DTWD2: variants seen among roughly 807,000 people sequenced by gnomAD.
DTWD2 encodes the protein tRNA-uridine aminocarboxypropyltransferase 2.
A neutral mutation model predicts 31.8 loss-of-function variants in DTWD2; 39 were observed. That is an observed-to-expected ratio of 1.22 (90% CI 0.95 to 1.60). The LOEUF (loss-of-function observed/expected upper bound fraction) is 1.60. Among genes scored for constraint, DTWD2 ranks in the 40% most tolerant of loss-of-function variants. The probability of loss-of-function intolerance (pLI) is 0.00; values close to 1 mark genes in which losing one functional copy is unlikely to be tolerated. For synonymous variants in DTWD2, 180 were observed against 142.8 expected (o/e 1.26, Z -1.86); for missense variants, 515 against 381.5 (o/e 1.35, Z -2.92).
At chr5:118,975,041 T>C (rs1755118555) in intron 1 of DTWD2, among the ~76,000 whole-genome samples, 1 of 152,222 alleles carries the variant, frequency 6.6e-6, no homozygotes, top group African/African-American at 2.4e-5. Flanking sequence ...TGTGGTGTTC[T>C]CTGTATTTCC....
At position 118,926,094 on chromosome 5, in the gene DTWD2, C is replaced by T. The variant is rs1044345009; in HGVS notation, c.597+2443G>A. On this transcript the variant is annotated intron_variant, in intron 4 of 5. Transcript: ENST00000510708. Reference sequence around the variant, plus strand: ...TTTAAAAAGAAAAAAAAGACACATGCGCAGGCATGTTTATAGCAGCACGAT... The same window carrying T: ...TTTAAAAAGAAAAAAAAGACACATGTGCAGGCATGTTTATAGCAGCACGAT... Among the ~76,000 whole-genome samples the T allele has an allele frequency of 4.6e-5, 7 of 152,048 alleles. No homozygotes were observed. In the South Asian group the frequency reaches 8.3e-4, roughly 18 times the overall value.
At chr5:118,920,867 G>T (rs778611001) in intron 4 of DTWD2, among the ~76,000 whole-genome samples, 1 of 152,108 alleles carries the variant, frequency 6.6e-6, no homozygotes, top group Non-Finnish European at 1.5e-5. Flanking sequence ...AGTAAACTTG[G>T]ATTCAAGTTT....
intron 1 of DTWD2, among the ~76,000 whole-genome samples, chr5:118,984,010 G>C (rs891430636): frequency 1.3e-5 from 2 of 152,214 alleles, no homozygotes; most frequent in Admixed American, 6.5e-5. Context: ...ACCTAGGCTG[G>C]GCGCAGTGGC....
chr5:118,947,440 G>C (rs1754364186), intron 1 of DTWD2, among the ~76,000 whole-genome samples: 1 of 152,174 alleles, frequency 6.6e-6, no homozygotes, highest in African/African-American at 2.4e-5. Context: ...GATTCCGACT[G>C]TCCCGAGCTG....
At chr5:118,846,014 T>C (rs1751844551) in intron 5 of DTWD2, among the ~76,000 whole-genome samples, 1 of 152,164 alleles carries the variant, frequency 6.6e-6, no homozygotes, top group Non-Finnish European at 1.5e-5. Flanking sequence ...TAAAACAACG[T>C]AAAGTTGTCC....
chr5:118,945,500 C>A (rs1754311202), intron 1 of DTWD2, among the ~76,000 whole-genome samples: 1 of 152,048 alleles, frequency 6.6e-6, no homozygotes, highest in African/African-American at 2.4e-5. Context: ...CACGGTGGCT[C>A]ATGCCTGTAA....
At chr5:118,973,748 C>G (rs1036724850) in intron 1 of DTWD2, 87 of 1,606,252 alleles carry the variant, frequency 5.4e-5, no homozygotes, top group Non-Finnish European at 7.0e-5. Context: ...TCCCTGAACT[C>G]TCGCTTTCTT....
intron 4 of DTWD2, among the ~76,000 whole-genome samples, chr5:118,919,345 A>G (rs2149574477): frequency 6.6e-6 from 1 of 152,348 alleles, no homozygotes; most frequent in Non-Finnish European, 1.5e-5. Flanking sequence ...GGAGAGAAGA[A>G]AACGGTCTCT....
intron 4 of DTWD2, among the ~76,000 whole-genome samples, chr5:118,881,449 G>A (rs1752738305): frequency 6.6e-6 from 1 of 152,094 alleles, no homozygotes; most frequent in Non-Finnish European, 1.5e-5. Context: ...CTTTCTAATA[G>A]CTATCAGCAT....
rs111741799 is a variant in DTWD2, at chr5:118,973,779, C to A, written c.218+14515G>T. On this transcript the variant is annotated intron_variant, in intron 1 of 5. Transcript: ENST00000510708. ...TTCTTTTTAATCGCCTGCATCGGAT[C>A]ACCGGCGTGCCCCACCATGTCAGAC... 10,386 of 1,611,100 alleles carry A rather than the reference C, an allele frequency of 6.4e-3. 251 individuals are homozygous for A. The highest frequency in any genetic ancestry group is 0.039 in the Admixed American group (2,339 of 59,992).
chr5:118,860,080 TG>T (rs1752226005), intron 4 of DTWD2, among the ~76,000 whole-genome samples: 1 of 151,972 alleles, frequency 6.6e-6, no homozygotes, highest in Admixed American at 6.6e-5. Context: ...ATCATTCCAC[TG>T]TACTCCAGCC....
rs114601593 is a variant in DTWD2 at position 118,939,585 on chromosome 5, A to G, written c.310-295T>C. ...AAAATGTAAATTTGTGTTTAACTAAATTGAATCATTTACTCTGACAAGTTT... is the reference window on the plus strand; with the variant it reads ...AAAATGTAAATTTGTGTTTAACTAAGTTGAATCATTTACTCTGACAAGTTT... On this transcript the variant is annotated intron_variant, in intron 2 of 5. Transcript: ENST00000510708. Among the ~76,000 whole-genome samples, 715 of 152,298 alleles carry G rather than the reference A, an allele frequency of 4.7e-3. 6 individuals are homozygous for G. The highest frequency in any genetic ancestry group is 0.017 in the African/African-American group (699 of 41,578).
At chr5:118,856,001 C>T (rs1320494510) in intron 4 of DTWD2, among the ~76,000 whole-genome samples, 1 of 151,958 alleles carries the variant, frequency 6.6e-6, no homozygotes, top group African/African-American at 2.4e-5. Flanking sequence ...TTCTAATAAC[C>T]ATTTAAGAAA....
chr5:118,956,555 G>A (rs1754592288), intron 1 of DTWD2, among the ~76,000 whole-genome samples: 2 of 152,076 alleles, frequency 1.3e-5, no homozygotes, highest in African/African-American at 2.4e-5. Flanking sequence ...AGAGATGCTA[G>A]GACCTACAAA....
chr5:118,961,131 G>C (rs539505572), intron 1 of DTWD2, among the ~76,000 whole-genome samples: 19 of 152,144 alleles, frequency 1.2e-4, no homozygotes, highest in African/African-American at 4.6e-4. Context: ...AGAGAGGCCA[G>C]ATGCCTAGAG....
chr5:118,982,177 T>C (rs908680798), intron 1 of DTWD2, among the ~76,000 whole-genome samples: 3 of 152,228 alleles, frequency 2.0e-5, no homozygotes, highest in Non-Finnish European at 4.4e-5. Flanking sequence ...TCTGAATATA[T>C]TATCTGACTA....
intron 2 of DTWD2, among the ~76,000 whole-genome samples, 185 bp downstream of exon 2, chr5:118,944,374 G>C (rs1311489103): frequency 1.3e-5 from 2 of 152,090 alleles, no homozygotes; most frequent in Non-Finnish European, 2.9e-5. Context: ...TCTCTCTCTA[G>C]AGCATAAGAC....
intron 1 of DTWD2, among the ~76,000 whole-genome samples, chr5:118,963,980 C>T (rs192355023): frequency 1.1e-4 from 16 of 152,212 alleles, no homozygotes; most frequent in Non-Finnish European, 1.6e-4. Flanking sequence ...GAGGCCGAGG[C>T]GTGTGGACCA....
At chr5:118,955,761 G>C (rs1412539140) in intron 1 of DTWD2, among the ~76,000 whole-genome samples, 1 of 150,938 alleles carries the variant, frequency 6.6e-6, no homozygotes, top group South Asian at 2.1e-4. Context: ...TAGCCACTAT[G>C]CTCCAGCCTG....
Sources: allele counts gnomAD v4.1 joint callset (sites outside exome capture counted in the v4.1 genomes callset), GRCh38; gene constraint gnomAD v4.1.1; transcripts MANE v1.5; gene names NCBI Gene and HGNC (gene_info 2026-07-23, HGNC 2026-07-21).